MYH14: variants seen among roughly 807,000 people sequenced by gnomAD.
MYH14 encodes myosin-14.
Under a neutral mutation model 255.5 loss-of-function variants are expected in MYH14, and 123 were observed. The ratio of observed to expected loss-of-function variants is 0.48; its 90% CI spans 0.42 to 0.56. The LOEUF (loss-of-function observed/expected upper bound fraction) is 0.56, where lower values mean the gene tolerates loss of function less well. Among genes scored for constraint, MYH14 ranks in the 20% least tolerant of loss-of-function variants. The probability of loss-of-function intolerance (pLI) is 0.00; values close to 1 mark genes in which losing one functional copy is unlikely to be tolerated. For synonymous variants in MYH14, 1,095 were observed against 1,161.2 expected (o/e 0.94, Z 1.16); for missense variants, 2,423 against 2,802.3 (o/e 0.86, Z 3.06).
Position 50,278,269 on chromosome 19 carries a change from G to C in MYH14, c.4012G>C (p.Glu1338Gln), listed in dbSNP as rs1211855386. The change falls in exon 30 of 43, where the codon GAG (glutamate) becomes CAG (glutamine). Residue 1338 changes from glutamate to glutamine, a missense_variant. Physicochemically the swap from Glu to Gln is conservative, Grantham distance 29. This residue lies in a region of MYH14 where 1,513 missense variants were observed against 1,674.8 expected (regional missense o/e 0.90). Coordinates refer to ENST00000642316, the MANE Select transcript of MYH14 (RefSeq NM_001145809.2). ...DGERARAEAA[E>Q]KLQRAQAELE... is the part of the protein sequence containing the mutation. ...GGAGAGGGCACGAGCGGAGGCTGCT[G>C]AGAAGCTGCAGCGAGCCCAGGTAAG... is the stretch of plus-strand genomic sequence containing the variant. The C allele has an allele frequency of 6.4e-7, 1 of 1,566,198 alleles. No homozygotes were observed. Among genetic ancestry groups the C allele is most frequent in the African/African-American group, 1.4e-5 (1 of 74,036 alleles).
chr19:50,229,796 G>A (rs2033284626), intron 8 of MYH14, among the ~76,000 whole-genome samples: 1 of 152,188 alleles, frequency 6.6e-6, no homozygotes, highest in Non-Finnish European at 1.5e-5. Flanking sequence ...GAGGCTGGGA[G>A]AGTACTAATG....
At chr19:50,245,576 G>C (rs1350917116) in intron 11 of MYH14, among the ~76,000 whole-genome samples, 1 of 152,176 alleles carries the variant, frequency 6.6e-6, no homozygotes, top group Non-Finnish European at 1.5e-5. Context: ...TATCACTGTG[G>C]ATATAGAGTG....
intron 2 of MYH14, among the ~76,000 whole-genome samples, chr19:50,212,224 G>A (rs945672918): frequency 4.6e-5 from 7 of 152,168 alleles, no homozygotes; most frequent in Non-Finnish European, 7.3e-5. Context: ...TTTCAGTCGA[G>A]CTCTCTGGGG....
chr19:50,289,366 T>C, intron 34 of MYH14, 70 bp from the exon 35 acceptor site: 1 of 1,276,196 alleles, frequency 7.8e-7, no homozygotes, highest in Non-Finnish European at 1.1e-6. Flanking sequence ...AATCTTCCCC[T>C]ACTCTAGCTA....
chr19:50,220,950 G>T (rs903868208), intron 3 of MYH14, among the ~76,000 whole-genome samples: 1 of 152,130 alleles, frequency 6.6e-6, no homozygotes, highest in Non-Finnish European at 1.5e-5. Flanking sequence ...CTCCTGGCAG[G>T]TCTATCAGTT....
chr19:50,246,245 T>G (rs1260670082), intron 11 of MYH14, among the ~76,000 whole-genome samples: 2 of 151,346 alleles, frequency 1.3e-5, no homozygotes, highest in South Asian at 2.1e-4. Flanking sequence ...GTTCAAGCGA[T>G]TCTCCCTGCC....
Position 50,263,304 on chromosome 19 carries a change from C to A in MYH14, c.2586-8C>A. The A allele has an allele frequency of 6.6e-7, 1 of 1,523,374 alleles. No homozygotes were observed. The allele number at this position is 1,523,374 out of a possible 1,614,324, so 94.4% of individuals were successfully genotyped here. A position where few individuals can be genotyped will look rare whatever the true frequency, so the allele number is the denominator to read the frequency against. ...CCCACTCTGCCCCTCACCCATTTCC[C>A]CACCCAGGGCCTTCCAGAAGCGCCA... On this transcript the variant is annotated splice_polypyrimidine_tract_variant and splice_region_variant and intron_variant, in intron 21 of 42. Coordinates refer to ENST00000642316, the MANE Select transcript of MYH14 (RefSeq NM_001145809.2).
chr19:50,206,168 G>A lies in MYH14; in HGVS notation c.-4+2497G>A, dbSNP rs75870180. On this transcript the variant is annotated intron_variant, in intron 1 of 42. Transcript: ENST00000642316. ...AACTCAGCATCCTCACCTCTAGCCC[G>A]GCTGCAGTGAGGTGAGGGGGCCTGC... Among the ~76,000 whole-genome samples the A allele has an allele frequency of 1.6e-3, 236 of 151,674 alleles. 9 individuals carry two copies. The East Asian group carries it at 0.041, about 26-fold the overall frequency.
chr19:50,230,565 C>T lies in MYH14; in HGVS notation c.915C>T (p.Asp305=). Residue 305 remains aspartate, a synonymous_variant, in exon 9 of 43, where the codon GAC becomes GAT. Transcript: ENST00000642316. This position sits in a 1 kb window ranked among gnomAD's most constrained non-coding sequence, Gnocchi z 4.7. ...EKSRAIRQAK[D]ECSFHIFYQL... ...CGCGGGCCATCCGCCAGGCCAAGGA[C>T]GAGTGCAGCTTCCACATCTTCTACC... 6.4e-7 allele frequency: 1 copy of T among 1,572,100 alleles called. No individual in the cohort carries two copies. Among genetic ancestry groups the T allele is most frequent in the Non-Finnish European group, 8.6e-7 (1 of 1,159,246 alleles).
At chr19:50,269,449 T>C (rs12978270) in intron 24 of MYH14, among the ~76,000 whole-genome samples, 2 of 152,220 alleles carry the variant, frequency 1.3e-5, no homozygotes, top group Non-Finnish European at 2.9e-5. Flanking sequence ...TCCAAGGTGC[T>C]GGGATTACAG....
At chr19:50,226,596 G>A (rs1365281249) in intron 7 of MYH14, among the ~76,000 whole-genome samples, 1 of 151,848 alleles carries the variant, frequency 6.6e-6, no homozygotes. Flanking sequence ...TCTGAGGGAT[G>A]AGGGAGTGCA....
At chr19:50,249,617 T>G in intron 13 of MYH14, 33 bp from the exon 14 acceptor site, 11 of 1,073,178 alleles carry the variant, frequency 1.0e-5, no homozygotes, top group Non-Finnish European at 1.3e-5. Context: ...TCCCTCTCCA[T>G]CCTCCCAGCT....
chr19:50,250,837 C>T lies in MYH14; in HGVS notation c.1830+149C>T. ...GGGGCTAGGAGAGCCCAGGGAGGAG[C>T]AAGGATTCTGTCTGATGGGATCACC... On this transcript the variant is annotated intron_variant, in intron 15 of 42. Transcript: ENST00000642316. The surrounding 1 kb of genome is among the most constrained non-coding windows in gnomAD (Gnocchi z 5.4). 1.2e-6 allele frequency: 1 copy of T among 810,532 alleles called. No homozygotes were observed. Among genetic ancestry groups the T allele is most frequent in the East Asian group, 2.6e-5 (1 of 37,864 alleles). 50.2% of individuals were successfully genotyped at this position (810,532 alleles called of 1,614,324 possible).
intron 17 of MYH14, among the ~76,000 whole-genome samples, chr19:50,255,967 C>A (rs2034576663): frequency 1.3e-5 from 2 of 150,942 alleles, no homozygotes; most frequent in Non-Finnish European, 2.9e-5. Context: ...TCCTGAGGAA[C>A]CTGGCATGAT....
intron 39 of MYH14, among the ~76,000 whole-genome samples, chr19:50,296,641 T>G (rs1195751623): frequency 6.6e-6 from 1 of 152,100 alleles, no homozygotes; most frequent in Non-Finnish European, 1.5e-5. Context: ...GAAATGAAAC[T>G]GGAGCTTCTT....
intron 40 of MYH14, among the ~76,000 whole-genome samples, chr19:50,302,559 G>A (rs1182028261): frequency 2.0e-5 from 3 of 150,176 alleles, no homozygotes; most frequent in South Asian, 4.2e-4. Context: ...CTCCAGCCTG[G>A]GTGACAGAGC....
chr19:50,299,913 C>G (rs1030199108), intron 39 of MYH14, among the ~76,000 whole-genome samples: 2 of 152,170 alleles, frequency 1.3e-5, no homozygotes, highest in African/African-American at 4.8e-5. Flanking sequence ...CCACTACACT[C>G]CAGCCTGGGT....
chr19:50,304,705 G>A (rs1005712475), intron 40 of MYH14, among the ~76,000 whole-genome samples: 1 of 152,188 alleles, frequency 6.6e-6, no homozygotes, highest in African/African-American at 2.4e-5. Flanking sequence ...ATGTCTGGTG[G>A]GATTCCCCAA....
chr19:50,260,861 GCA>G (rs1469578604), intron 20 of MYH14, 146 bp downstream of exon 20: 2 of 672,576 alleles, frequency 3.0e-6, no homozygotes, highest in East Asian at 2.8e-5. Flanking sequence ...GTGTGTGCAT[GCA>G]TATGTGTGCA....
Sources: allele counts gnomAD v4.1 joint callset (sites outside exome capture counted in the v4.1 genomes callset), GRCh38; gene constraint gnomAD v4.1.1; regional missense constraint gnomAD v4.1.1; non-coding constraint Gnocchi (gnomAD v3.1); transcripts MANE v1.5; gene names NCBI Gene and HGNC (gene_info 2026-07-23, HGNC 2026-07-21).